Variants in LAMC1 observed in about 807,000 individuals in gnomAD.
LAMC1 encodes laminin subunit gamma 1, also known as laminin subunit gamma-1.
A neutral mutation model predicts 173.6 loss-of-function variants in LAMC1; 38 were observed. The observed-to-expected ratio is 0.22, with a 90% CI of 0.17 to 0.29. LAMC1 has a LOEUF of 0.29. LAMC1 is among the 10% of genes least tolerant of loss of function. The probability of loss-of-function intolerance (pLI) is 1.00; values close to 1 mark genes in which losing one functional copy is unlikely to be tolerated. For synonymous variants in LAMC1, 746 were observed against 749.1 expected (o/e 1.00, Z 0.07); for missense variants, 1,824 against 2,051.8 (o/e 0.89, Z 2.14).
At chr1:183,141,177 T>G (rs1217049787) in intron 27 of LAMC1, 1 of 152,154 alleles carries the variant, frequency 6.6e-6, no homozygotes, top group East Asian at 1.9e-4. Flanking sequence ...ATTAGCTGGG[T>G]GTGGTGCTAC....
At chr1:183,097,781 A>T (rs1206317363) in intron 1 of LAMC1, among the ~76,000 whole-genome samples, 1 of 152,190 alleles carries the variant, frequency 6.6e-6, no homozygotes, top group Non-Finnish European at 1.5e-5. Flanking sequence ...GAACTGTAGG[A>T]TCTAGAGCAG....
intron 2 of LAMC1, among the ~76,000 whole-genome samples, chr1:183,106,597 A>G (rs12091137): frequency 0.52 from 78,587 of 152,024 alleles, 20,993 homozygotes; most frequent in South Asian, 0.65. Context: ...TACGTCTCCA[A>G]AGGTGATTTT....
At chr1:183,122,429 C>G (rs962774794) in intron 13 of LAMC1, among the ~76,000 whole-genome samples, 178 bp downstream of exon 13, 7 of 152,172 alleles carry the variant, frequency 4.6e-5, no homozygotes, top group African/African-American at 1.7e-4. Context: ...TTTGGGTATC[C>G]CCTGATTGTC....
intron 13 of LAMC1, among the ~76,000 whole-genome samples, chr1:183,123,278 A>G (rs554747520): frequency 5.3e-5 from 8 of 152,224 alleles, no homozygotes; most frequent in South Asian, 4.2e-4. Context: ...ACTATCACCA[A>G]CCTGGTTCAA....
intron 1 of LAMC1, among the ~76,000 whole-genome samples, chr1:183,054,050 C>T (rs536560480): frequency 1.3e-5 from 2 of 152,274 alleles, no homozygotes; most frequent in East Asian, 3.9e-4. Flanking sequence ...TCTCAACAAG[C>T]AGTACTGCCT....
intron 16 of LAMC1, among the ~76,000 whole-genome samples, chr1:183,127,004 A>G (rs982732165): frequency 1.1e-4 from 17 of 152,314 alleles, no homozygotes; most frequent in Admixed American, 9.2e-4. Context: ...GTGTGTCCCA[A>G]AGGTTGCACG....
intron 1 of LAMC1, among the ~76,000 whole-genome samples, chr1:183,070,921 T>C (rs922294460): frequency 6.6e-6 from 1 of 152,182 alleles, no homozygotes; most frequent in African/African-American, 2.4e-5. Context: ...TGTGTGCTGA[T>C]GTATTCCCTG....
At chr1:183,068,437 G>A (rs901744919) in intron 1 of LAMC1, among the ~76,000 whole-genome samples, 6 of 152,170 alleles carry the variant, frequency 3.9e-5, no homozygotes, top group Non-Finnish European at 5.9e-5. Context: ...AAACCAGAAA[G>A]GTTTAGGGAT....
chr1:183,061,547 A>G (rs904541950), intron 1 of LAMC1, among the ~76,000 whole-genome samples: 1 of 152,102 alleles, frequency 6.6e-6, no homozygotes, highest in Non-Finnish European at 1.5e-5. Context: ...AACAACATCT[A>G]TATCTTTTTT....
intron 1 of LAMC1, among the ~76,000 whole-genome samples, chr1:183,042,044 T>C (rs1451350560): frequency 6.6e-6 from 1 of 152,216 alleles, no homozygotes; most frequent in Admixed American, 6.5e-5. Context: ...GAAGAGTAAG[T>C]CACTGTATCA....
At chr1:183,075,070 C>T (rs562910759) in intron 1 of LAMC1, among the ~76,000 whole-genome samples, 6 of 150,648 alleles carry the variant, frequency 4.0e-5, no homozygotes, top group Admixed American at 2.6e-4. Flanking sequence ...ATTATAGATA[C>T]ATTTGAGCAA....
intron 1 of LAMC1, among the ~76,000 whole-genome samples, chr1:183,061,358 T>A (rs1279462082): frequency 3.8e-5 from 5 of 132,134 alleles, no homozygotes; most frequent in African/African-American, 1.3e-4. Context: ...TTTAGATTTT[T>A]TGGTTGGTGT....
chr1:183,131,190 AG>A (rs1656775456), intron 19 of LAMC1, 108 bp from the exon 20 acceptor site: 8 of 686,330 alleles, frequency 1.2e-5, no homozygotes, highest in Non-Finnish European at 2.0e-5. Context: ...AAAAAAAAAA[AG>A]GTAGAGGCAT....
intron 18 of LAMC1, 89 bp downstream of exon 18, chr1:183,128,839 A>G: frequency 9.5e-7 from 1 of 1,057,478 alleles, no homozygotes; most frequent in Non-Finnish European, 1.3e-6. Context: ...AGTTTTATAA[A>G]ATTCTTTCTC....
chr1:183,114,230 C>A (rs561552987), intron 4 of LAMC1, among the ~76,000 whole-genome samples: 7 of 152,116 alleles, frequency 4.6e-5, no homozygotes, highest in Non-Finnish European at 8.8e-5. Flanking sequence ...CTACCACACC[C>A]GGCTAATTTT....
chr1:183,126,217 C>T lies in LAMC1; in HGVS notation c.2899C>T (p.Arg967Cys), dbSNP rs200849348. Residue 967 changes from arginine to cysteine, a missense_variant, in exon 16 of 28, where the codon CGC (arginine) becomes TGC (cysteine). Arg to Cys is a radical substitution (Grantham distance 180). Coordinates refer to ENST00000258341, the MANE Select transcript of LAMC1 (RefSeq NM_002293.4). ...QPGITGQHCE[R>C]CEVNHFGFGP... is the part of the protein sequence containing the mutation. ...CGGCATCACTGGTCAGCACTGTGAG[C>T]GCTGTGAGGTCAACCACTTTGGGTT... 25 of 1,614,080 alleles carry T rather than the reference C, an allele frequency of 1.5e-5. No individual in the cohort carries two copies. Among genetic ancestry groups the T allele is most frequent in the Admixed American group, 1.2e-4 (7 of 60,018 alleles).
At chr1:183,050,248 C>T (rs1654379991) in intron 1 of LAMC1, among the ~76,000 whole-genome samples, 1 of 144,012 alleles carries the variant, frequency 6.9e-6, no homozygotes. Flanking sequence ...ATTTACCTCA[C>T]TTTATCAATG....
At position 183,128,696 on chromosome 1, in the gene LAMC1, A is replaced by C; in HGVS notation, c.3226A>C (p.Lys1076Gln). The C allele has an allele frequency of 6.2e-7, 1 of 1,613,664 alleles. No individual in the cohort carries two copies. The highest frequency in any genetic ancestry group is 8.5e-7 in the Non-Finnish European group (1 of 1,179,710). ...AGATCAAGCCTTCGAGGATAGACTA[A>C]AGGAAGCAGAGAGGGAAGTTATGGA... ...VTDQAFEDRL[K>Q]EAEREVMDLL... is the part of the protein sequence containing the mutation. Residue 1076 changes from lysine to glutamine, a missense_variant, in exon 18 of 28, where the codon AAG (lysine) becomes CAG (glutamine). Physicochemically the swap from Lys to Gln is moderately conservative, Grantham distance 53. Coordinates refer to ENST00000258341, the MANE Select transcript of LAMC1 (RefSeq NM_002293.4).
chr1:183,057,245 G>T (rs1654620979), intron 1 of LAMC1, among the ~76,000 whole-genome samples: 2 of 152,172 alleles, frequency 1.3e-5, no homozygotes, highest in Non-Finnish European at 2.9e-5. Flanking sequence ...GTAGTGGAAG[G>T]TATATTCGTT....
Sources: allele counts gnomAD v4.1 joint callset (sites outside exome capture counted in the v4.1 genomes callset), GRCh38; gene constraint gnomAD v4.1.1; transcripts MANE v1.5; gene names NCBI Gene and HGNC (gene_info 2026-07-23, HGNC 2026-07-21).